The following PCDHA1 variants were observed in gnomAD, a reference collection of about 807,000 sequenced individuals.
The protein encoded by PCDHA1 is protocadherin alpha 1, also known as protocadherin alpha-1.
A neutral mutation model predicts 61.3 loss-of-function variants in PCDHA1; 42 were observed. The ratio of observed to expected loss-of-function variants is 0.69; its 90% CI spans 0.54 to 0.89. The LOEUF (loss-of-function observed/expected upper bound fraction) is 0.89, where lower values mean the gene tolerates loss of function less well. Among genes scored for constraint, PCDHA1 ranks in the 40% least tolerant of loss-of-function variants. The probability of loss-of-function intolerance (pLI) is 0.00; values close to 1 mark genes in which losing one functional copy is unlikely to be tolerated. For synonymous variants in PCDHA1, 610 were observed against 553.8 expected (o/e 1.10, Z -1.43); for missense variants, 1,256 against 1,235.3 (o/e 1.02, Z -0.25).
chr5:140,982,943 A>G (rs2097017074), intron 3 of PCDHA1, among the ~76,000 whole-genome samples: 1 of 151,992 alleles, frequency 6.6e-6, no homozygotes, highest in Admixed American at 6.5e-5. Flanking sequence ...CTTTTGGTTG[A>G]AGACTATGGA....
rs782568393 is a variant in PCDHA1 at position 141,011,637 on chromosome 5, C to G, written c.*1700C>G. The G allele has an allele frequency of 2.0e-5, 3 of 153,526 alleles. No homozygotes were observed. Among genetic ancestry groups the G allele is most frequent in the Non-Finnish European group, 4.4e-5 (3 of 68,022 alleles). The allele number at this position is 153,526 out of a possible 1,614,324, so 9.5% of individuals were successfully genotyped here. ...GGTCCAGCCAAGAGCCATCTCGTGC[C>G]AAGACTTCTGCTGGCAAGGGAATGG... is the stretch of plus-strand genomic sequence containing the variant. On this transcript the variant is annotated 3_prime_UTR_variant, in exon 4 of 4. Transcript: ENST00000504120.
At chr5:140,842,161 T>C in intron 1 of PCDHA1, 1 of 1,613,884 alleles carries the variant, frequency 6.2e-7, no homozygotes. Flanking sequence ...TTTCATATTC[T>C]TTTAATAGCC....
At chr5:140,945,304 C>T (rs993719774) in intron 1 of PCDHA1, among the ~76,000 whole-genome samples, 3 of 151,880 alleles carry the variant, frequency 2.0e-5, no homozygotes, top group African/African-American at 7.3e-5. Flanking sequence ...TTGAAGAAGA[C>T]ACAAATAAAT....
chr5:140,866,116 T>C (rs1232986434), intron 1 of PCDHA1: 2 of 152,196 alleles, frequency 1.3e-5, no homozygotes, highest in Non-Finnish European at 2.9e-5. Flanking sequence ...AGTTGCCTTA[T>C]AAGAACTACG....
Position 140,850,168 on chromosome 5 carries a change from A to G in PCDHA1, c.2394+61484A>G. 6.3e-7 allele frequency: 1 copy of G among 1,594,824 alleles called. No homozygotes were observed. The highest frequency in any genetic ancestry group is 8.6e-7 in the Non-Finnish European group (1 of 1,167,786). ...ACGCTGCAGGTGTTCGTGCTGGACGAGAACGACAATGCGCCGGCGCTGCTG... is the reference window on the plus strand; with the variant it reads ...ACGCTGCAGGTGTTCGTGCTGGACGGGAACGACAATGCGCCGGCGCTGCTG... On this transcript the variant is annotated intron_variant, in intron 1 of 3. Coordinates refer to ENST00000504120, the MANE Select transcript of PCDHA1 (RefSeq NM_018900.4).
chr5:140,802,155 G>A (rs782459087), intron 1 of PCDHA1: 69 of 1,614,074 alleles, frequency 4.3e-5, no homozygotes, highest in Non-Finnish European at 5.3e-5. Context: ...TGAAATCCAG[G>A]TAGAAGCCAC....
chr5:140,947,738 T>C (rs2153680991), intron 1 of PCDHA1, among the ~76,000 whole-genome samples: 1 of 151,740 alleles, frequency 6.6e-6, no homozygotes, highest in South Asian at 2.1e-4. Context: ...GTAATACCTA[T>C]TCTTATGTAT....
chr5:140,869,229 C>G, intron 1 of PCDHA1: 1 of 1,613,752 alleles, frequency 6.2e-7, no homozygotes, highest in Non-Finnish European at 8.5e-7. Context: ...CCAAACACGG[C>G]ACCTTCGTGG....
chr5:140,790,049 C>T (rs985966830), intron 1 of PCDHA1, among the ~76,000 whole-genome samples: 1 of 152,114 alleles, frequency 6.6e-6, no homozygotes, highest in Non-Finnish European at 1.5e-5. Context: ...CAATACTTAC[C>T]TTCCTGTAAG....
chr5:140,980,265 A>G (rs1041506600), intron 2 of PCDHA1, among the ~76,000 whole-genome samples: 1 of 152,258 alleles, frequency 6.6e-6, no homozygotes, highest in Non-Finnish European at 1.5e-5. Flanking sequence ...CATGGTTTAC[A>G]GTACCAACTC....
At chr5:140,870,494 A>G (rs782779572) in intron 1 of PCDHA1, 1 of 1,614,236 alleles carries the variant, frequency 6.2e-7, no homozygotes, top group South Asian at 1.1e-5. Flanking sequence ...GTGTTCGTGA[A>G]GGAGAACAAC....
chr5:140,927,526 G>A, intron 1 of PCDHA1: 1 of 1,614,086 alleles, frequency 6.2e-7, no homozygotes, highest in South Asian at 1.1e-5. Flanking sequence ...CGGGCTACCT[G>A]CCCGCTCAGG....
intron 1 of PCDHA1, chr5:140,858,337 C>G (rs782748390): frequency 6.3e-7 from 1 of 1,595,568 alleles, no homozygotes; most frequent in Admixed American, 1.7e-5. Context: ...AGGGCCTGCC[C>G]AAGGCGGACC....
At chr5:140,850,277 G>A (rs2150477192) in intron 1 of PCDHA1, 1 of 1,595,522 alleles carries the variant, frequency 6.3e-7, no homozygotes, top group South Asian at 1.1e-5. Flanking sequence ...TGGGGAAGGT[G>A]CGCGCAGTGG....
chr5:140,992,676 G>A (rs2097524186), intron 3 of PCDHA1, among the ~76,000 whole-genome samples: 1 of 152,146 alleles, frequency 6.6e-6, no homozygotes, highest in African/African-American at 2.4e-5. Flanking sequence ...GTATGTGTGT[G>A]TTAGGGGTTG....
intron 1 of PCDHA1, chr5:140,852,303 A>G: frequency 4.8e-6 from 2 of 418,848 alleles, no homozygotes; most frequent in Non-Finnish European, 6.7e-6. Flanking sequence ...TCTGAGACGG[A>G]GTCGTTTTCT....
At chr5:140,819,582 A>T (rs2150104654) in intron 1 of PCDHA1, among the ~76,000 whole-genome samples, 4 of 152,166 alleles carry the variant, frequency 2.6e-5, no homozygotes, top group Non-Finnish European at 5.9e-5. Context: ...AAGATTTTTT[A>T]AAATGTTCTT....
intron 1 of PCDHA1, among the ~76,000 whole-genome samples, chr5:140,800,184 TA>T (rs1409618790): frequency 2.0e-5 from 3 of 152,214 alleles, no homozygotes; most frequent in Admixed American, 2.0e-4. Flanking sequence ...GTGGAAAAAT[TA>T]AACCTAATAT....
intron 2 of PCDHA1, 130 bp from the exon 3 acceptor site, chr5:140,982,345 A>G: frequency 6.8e-7 from 1 of 1,471,098 alleles, no homozygotes; most frequent in Non-Finnish European, 9.1e-7. Context: ...TAATTGCTTC[A>G]GTTCAAGCAT....
Sources: allele counts gnomAD v4.1 joint callset (sites outside exome capture counted in the v4.1 genomes callset), GRCh38; gene constraint gnomAD v4.1.1; transcripts MANE v1.5; gene names NCBI Gene and HGNC (gene_info 2026-07-23, HGNC 2026-07-21).